The following RC3H2 variants were observed in gnomAD, a reference collection of about 807,000 sequenced individuals.
The protein encoded by RC3H2 is ring finger and CCCH-type domains 2.
A neutral mutation model predicts 133.3 loss-of-function variants in RC3H2; 31 were observed. That is an observed-to-expected ratio of 0.23 (90% CI 0.17 to 0.31). The LOEUF (loss-of-function observed/expected upper bound fraction) is 0.31. Ranked by LOEUF, RC3H2 falls within the 10% of genes least tolerant of loss-of-function variation. The pLI is 1.00. For synonymous variants in RC3H2, 517 were observed against 502.2 expected, an observed-to-expected ratio of 1.03 and a Z score of -0.40; for missense variants, 1,175 against 1,437.2, an observed-to-expected ratio of 0.82 and a Z score of 2.95.
At chr9:122,899,569 A>G (rs1832575470) in intron 1 of RC3H2, among the ~76,000 whole-genome samples, 2 of 152,228 alleles carry the variant, frequency 1.3e-5, no homozygotes, top group Non-Finnish European at 2.9e-5. Context: ...TACAACTTTC[A>G]TCCTCAAATT....
At chr9:122,861,111 T>G (rs1036702501) in intron 10 of RC3H2, among the ~76,000 whole-genome samples, 4 of 152,174 alleles carry the variant, frequency 2.6e-5, no homozygotes, top group Non-Finnish European at 5.9e-5. Flanking sequence ...TTATTATTAT[T>G]ATTTTTAACA....
chr9:122,851,709 G>A lies in RC3H2; in HGVS notation c.3118-273C>T, dbSNP rs531072502. 369 of 382,694 alleles carry A rather than the reference G, an allele frequency of 9.6e-4. 5 individuals carry two copies. The highest frequency in any genetic ancestry group is 9.0e-3 in the South Asian group (363 of 40,326). The allele number at this position is 382,694 out of a possible 1,614,324, so 23.7% of individuals were successfully genotyped here. On this transcript the variant is annotated intron_variant, in intron 18 of 20. Coordinates refer to ENST00000357244, the MANE Select transcript of RC3H2 (RefSeq NM_001100588.3). The stretch of plus-strand genomic sequence containing the variant: ...AGACGGGGTTTCGCTGTGATGGCCG[G>A]GCTGGTCTCCAGCTCCTAACCACGA...
chr9:122,859,094 G>C lies in RC3H2; in HGVS notation c.1858C>G (p.Pro620Ala), dbSNP rs201851354. The stretch of plus-strand genomic sequence containing the variant: ...CCAGCTGGTACCGTTGGAGGTGGTG[G>C]ATAGTATCCTTGAAAATTGGAAAGA... ...VPQYPQTGYY[P>A]PPPTVPAGVA... The change falls in exon 12 of 21, where the codon CCA (proline) becomes GCA (alanine). Residue 620 changes from proline (P) to alanine (A), a missense_variant. This residue lies in a region of RC3H2 where 490 missense variants were observed against 492.8 expected (regional missense o/e 0.99). Transcript: ENST00000357244. The C allele has an allele frequency of 2.6e-6, 4 of 1,550,620 alleles. No homozygotes were observed. In the Admixed American group the frequency reaches 8.3e-5, roughly 32 times the overall value.
chr9:122,856,993 T>C (rs1830274517), intron 13 of RC3H2, among the ~76,000 whole-genome samples: 1 of 152,194 alleles, frequency 6.6e-6, no homozygotes, highest in African/African-American at 2.4e-5. Flanking sequence ...TGACAAGACC[T>C]ATTTGGATCT....
At chr9:122,868,219 C>A (rs1218592639) in intron 9 of RC3H2, among the ~76,000 whole-genome samples, 1 of 152,176 alleles carries the variant, frequency 6.6e-6, no homozygotes, top group Admixed American at 6.5e-5. Flanking sequence ...CTCTGCCCGG[C>A]CACCACCCCG....
chr9:122,905,290 TCCTCCTCCTC>T lies in RC3H2; in HGVS notation c.-258_-249del, dbSNP rs1035572287. The T allele has an allele frequency of 1.4e-4, 136 of 951,716 alleles. No individual in the cohort carries two copies. Among genetic ancestry groups the T allele is most frequent in the Middle Eastern group, 5.3e-4 (1 of 1,892 alleles). 59.0% of individuals were successfully genotyped at this position (951,716 alleles called of 1,614,324 possible). ...CGGCGGCGAAGGCCGCGACGGGGCC[TCCTCCTCCTC>T]CCTCCACCTCCGCCTCCTCCTCCTC... On this transcript the variant is annotated 5_prime_UTR_variant, in exon 1 of 21. Coordinates refer to ENST00000357244, the MANE Select transcript of RC3H2 (RefSeq NM_001100588.3).
At chr9:122,882,091 T>TA (rs931352758) in intron 5 of RC3H2, among the ~76,000 whole-genome samples, 43 of 149,416 alleles carry the variant, frequency 2.9e-4, no homozygotes, top group African/African-American at 7.3e-4. Flanking sequence ...TCTGTTGCTT[T>TA]AAAAAAAAAA....
chr9:122,868,347 C>G (rs1332806206), intron 9 of RC3H2, among the ~76,000 whole-genome samples: 1 of 152,178 alleles, frequency 6.6e-6, no homozygotes, highest in Non-Finnish European at 1.5e-5. Context: ...GTTGCCGTGT[C>G]TGTGTGGAAA....
rs371202574 is a variant in RC3H2, at chr9:122,871,625, A to G, written c.1325+5846T>C. On this transcript the variant is annotated intron_variant, in intron 9 of 20. Coordinates refer to ENST00000357244, the MANE Select transcript of RC3H2 (RefSeq NM_001100588.3). ...GGCGTGAGCCACTGCGCCTGGCCAA[A>G]TGTTGTATCTTCTAAGAGTCTTTCC... Among the ~76,000 whole-genome samples, 3 of 151,366 alleles carry G rather than the reference A, an allele frequency of 2.0e-5. No homozygotes were observed. In the East Asian group the frequency reaches 5.9e-4, roughly 30 times the overall value.
intron 9 of RC3H2, among the ~76,000 whole-genome samples, chr9:122,869,995 C>G (rs978281432): frequency 2.0e-5 from 3 of 152,154 alleles, no homozygotes; most frequent in Admixed American, 2.0e-4. Flanking sequence ...TGCCTTCCTC[C>G]ACATTCTCTC....
chr9:122,857,959 T>C lies in RC3H2; in HGVS notation c.2418A>G (p.Pro806=). Reference sequence around the variant, plus strand: ...AGTCTACACTGAACAGAGGAGAAGGTGGTGTTGGTGACTGTGTTGCCACAG... The same window carrying C: ...AGTCTACACTGAACAGAGGAGAAGGCGGTGTTGGTGACTGTGTTGCCACAG... The part of the protein sequence containing the change: ...TLPVATQSPT[P]PSPLFSVDFR... Residue 806 remains proline, a synonymous_variant, in exon 13 of 21, where the codon CCA becomes CCG. Transcript: ENST00000357244. 1 of 1,614,102 alleles carries C rather than the reference T, an allele frequency of 6.2e-7. No individual in the cohort carries two copies. Among genetic ancestry groups the C allele is most frequent in the Non-Finnish European group, 8.5e-7 (1 of 1,179,964 alleles).
chr9:122,874,916 G>C, intron 9 of RC3H2: 1 of 381,124 alleles, frequency 2.6e-6, no homozygotes, highest in Non-Finnish European at 4.7e-6. Context: ...AAGTCTGTTT[G>C]AAGGTATGAG....
rs370575996 is a variant in RC3H2, at chr9:122,855,432, T to C, written c.2602-35A>G. 6.5e-5 allele frequency: 102 copies of C among 1,563,958 alleles called. No homozygotes were observed. The East Asian group carries it at 9.6e-4, about 15-fold the overall frequency. ...CCAAAGAAAATCAATAAAAGGACTG[T>C]TGGCAATTACTTCAGCTAGTAAATA... On this transcript the variant is annotated intron_variant, in intron 14 of 20. Transcript: ENST00000357244.
chr9:122,900,359 G>A (rs1832608940), intron 1 of RC3H2, among the ~76,000 whole-genome samples: 1 of 151,994 alleles, frequency 6.6e-6, no homozygotes. Flanking sequence ...TGTAAGAAAC[G>A]CTTTGATTTT....
Position 122,849,607 on chromosome 9 carries a change from T to C in RC3H2, c.*20A>G. ...AATGCTTCCATGGTGTGGTCACAAA[T>C]TTGAAAGATGAACCTCCTTTCAGCT... On this transcript the variant is annotated 3_prime_UTR_variant, in exon 21 of 21. Coordinates refer to ENST00000357244, the MANE Select transcript of RC3H2 (RefSeq NM_001100588.3). The C allele has an allele frequency of 1.3e-6, 2 of 1,576,952 alleles. No homozygotes were observed. Among genetic ancestry groups the C allele is most frequent in the East Asian group, 2.3e-5 (1 of 44,174 alleles).
rs1829908064 is a variant in RC3H2 at position 122,848,176 on chromosome 9, G to A, written c.*1451C>T. ...AAAGCCCTTACATACAGTACACCTG[G>A]TGAAAGATCAGCTTGGCTTAAAATA... On this transcript the variant is annotated 3_prime_UTR_variant, in exon 21 of 21. Coordinates refer to ENST00000357244, the MANE Select transcript of RC3H2 (RefSeq NM_001100588.3). The A allele has an allele frequency of 6.6e-6, 1 of 152,078 alleles. No individual in the cohort carries two copies. The highest frequency in any genetic ancestry group is 2.1e-4 in the South Asian group (1 of 4,836). 9.4% of individuals were successfully genotyped at this position (152,078 alleles called of 1,614,324 possible). A position where few individuals can be genotyped will look rare whatever the true frequency, so the allele number is the denominator to read the frequency against.
Position 122,853,749 on chromosome 9 carries a change from A to G in RC3H2, c.3117+203T>C. On this transcript the variant is annotated intron_variant, in intron 18 of 20. Transcript: ENST00000357244. ...GCGATAGAGCAAGATTCCATCTCAAAAAAACAAAAATCCCGATGATCTAGT... is the reference window on the plus strand; with the variant it reads ...GCGATAGAGCAAGATTCCATCTCAAGAAAACAAAAATCCCGATGATCTAGT... The G allele has an allele frequency of 3.6e-6, 5 of 1,390,980 alleles. No homozygotes were observed. The South Asian group carries it at 6.1e-5, about 17-fold the overall frequency. 86.2% of individuals were successfully genotyped at this position (1,390,980 alleles called of 1,614,324 possible).
At position 122,881,162 on chromosome 9, in the gene RC3H2, G is replaced by C. The variant is rs184808611; in HGVS notation, c.760-368C>G. On this transcript the variant is annotated intron_variant, in intron 5 of 20. Coordinates refer to ENST00000357244, the MANE Select transcript of RC3H2 (RefSeq NM_001100588.3). ...AGCTGAAAGCTACATGAATTGATTTGTGCACAATAAACAGGAGTTTCCTGA... is the reference window on the plus strand; with the variant it reads ...AGCTGAAAGCTACATGAATTGATTTCTGCACAATAAACAGGAGTTTCCTGA... Among the ~76,000 whole-genome samples the C allele has an allele frequency of 2.2e-4, 34 of 152,298 alleles. 1 individual carries two copies. The highest frequency in any genetic ancestry group is 1.5e-5 in the Non-Finnish European group (1 of 68,028).
intron 9 of RC3H2, among the ~76,000 whole-genome samples, chr9:122,870,398 AAACAAACAAACAAAC>A (rs761744054): frequency 0.013 from 1,702 of 134,852 alleles, 9 homozygotes; most frequent in Non-Finnish European, 0.015. Context: ...ACAAACAAAC[AAACAAACAAACAAAC>A]AAAAAAAAAA....
Sources: allele counts gnomAD v4.1 joint callset (sites outside exome capture counted in the v4.1 genomes callset), GRCh38; gene constraint gnomAD v4.1.1; regional missense constraint gnomAD v4.1.1; transcripts MANE v1.5; gene names NCBI Gene and HGNC (gene_info 2026-07-23, HGNC 2026-07-21).